CSMD1: variants seen among roughly 807,000 people sequenced by gnomAD.
The protein encoded by CSMD1 is CUB and Sushi multiple domains 1.
CSMD1 carries 213 observed loss-of-function variants against 417.5 expected under a neutral mutation model. The observed-to-expected ratio is 0.51, with a 90% CI of 0.46 to 0.57. The LOEUF (loss-of-function observed/expected upper bound fraction) is 0.57, where lower values mean the gene tolerates loss of function less well. CSMD1 is among the 20% of genes least tolerant of loss of function. The pLI is 0.00. For synonymous variants in CSMD1, 2,862 were observed against 1,736.8 expected, an observed-to-expected ratio of 1.65 and a Z score of -16.11; for missense variants, 6,923 against 4,529.7, an observed-to-expected ratio of 1.53 and a Z score of -15.17.
intron 1 of CSMD1, among the ~76,000 whole-genome samples, chr8:4,754,471 G>A (rs757458801): frequency 8.6e-5 from 13 of 151,734 alleles, no homozygotes; most frequent in Non-Finnish European, 1.5e-5. Flanking sequence ...TCTGTGTCAT[G>A]CATGCAATTT....
At chr8:3,807,973 A>G (rs1209482829) in intron 5 of CSMD1, among the ~76,000 whole-genome samples, 4 of 152,202 alleles carry the variant, frequency 2.6e-5, no homozygotes, top group Non-Finnish European at 5.9e-5. Context: ...CAAGACATGC[A>G]GCCCTATTCC....
chr8:4,759,041 G>C (rs1009167578), intron 1 of CSMD1, among the ~76,000 whole-genome samples: 1 of 152,212 alleles, frequency 6.6e-6, no homozygotes, highest in Non-Finnish European at 1.5e-5. Flanking sequence ...CGGAGATGGA[G>C]TTGATGTGCA....
In CSMD1 at chr8:3,091,615, T is replaced by G. The variant is rs1412135802; in HGVS notation, c.7186A>C (p.Thr2396Pro). The change falls in exon 48 of 70, where the codon ACT becomes CCT. Residue 2396 changes from threonine (T) to proline (P), a missense_variant. By Grantham distance (38) the Thr-to-Pro change is conservative (BLOSUM62 -1). Coordinates refer to ENST00000635120, the MANE Select transcript of CSMD1 (RefSeq NM_033225.6). ...CTGCTTGTAAAATTTGATTGTTCAG[T>G]ATGATTCCCACTTAAGACTACTAGC... The part of the protein sequence containing the change: ...PLLVVLSGNH[T>P]EQSNFTSRSN... 1 of 1,611,900 alleles carries G rather than the reference T, an allele frequency of 6.2e-7. No homozygotes were observed. The highest frequency in any genetic ancestry group is 8.5e-7 in the Non-Finnish European group (1 of 1,179,502).
chr8:4,702,059 G>C (rs535910025), intron 1 of CSMD1, among the ~76,000 whole-genome samples: 1 of 152,152 alleles, frequency 6.6e-6, no homozygotes, highest in Non-Finnish European at 1.5e-5. Context: ...GCTGAACAAT[G>C]AGAACACATG....
At chr8:2,947,136 A>G (rs1802297784) in intron 68 of CSMD1, among the ~76,000 whole-genome samples, 1 of 152,250 alleles carries the variant, frequency 6.6e-6, no homozygotes, top group African/African-American at 2.4e-5. Flanking sequence ...TATCAGGTAC[A>G]TAATTTTATG....
intron 3 of CSMD1, among the ~76,000 whole-genome samples, chr8:4,300,345 G>T (rs1389277775): frequency 1.3e-5 from 2 of 152,040 alleles, no homozygotes; most frequent in African/African-American, 4.8e-5. Flanking sequence ...AATATTAAAA[G>T]GTAAAAATAA....
chr8:3,113,408 G>GA (rs1292841001), intron 42 of CSMD1: 1 of 152,260 alleles, frequency 6.6e-6, no homozygotes, highest in South Asian at 2.1e-4. Context: ...GCAAGACAGT[G>GA]AAGGAGGGAA....
intron 2 of CSMD1, among the ~76,000 whole-genome samples, chr8:4,479,819 C>T (rs1295513727): frequency 1.3e-5 from 2 of 151,840 alleles, no homozygotes; most frequent in East Asian, 1.9e-4. Context: ...CAAAAATTAG[C>T]CAGGCGTGGT....
chr8:3,420,973 TTTATAGTTTTCCTC>T (rs1479726880), intron 12 of CSMD1, among the ~76,000 whole-genome samples: 1 of 152,148 alleles, frequency 6.6e-6, no homozygotes, highest in African/African-American at 2.4e-5. Flanking sequence ...ATACTGCCTA[TTTATAGTTTTCCTC>T]TGTGCTGTAG....
At chr8:3,066,427 T>C (rs937814871) in intron 49 of CSMD1, among the ~76,000 whole-genome samples, 1 of 152,222 alleles carries the variant, frequency 6.6e-6, no homozygotes, top group East Asian at 1.9e-4. Flanking sequence ...TGCTGACTTT[T>C]CCATTACGCA....
chr8:4,364,120 T>C (rs1270172703), intron 3 of CSMD1, among the ~76,000 whole-genome samples: 2 of 152,226 alleles, frequency 1.3e-5, no homozygotes, highest in East Asian at 3.8e-4. Context: ...GTCTTTATTA[T>C]GCATTGCATG....
chr8:2,947,099 C>G (rs779006017), intron 68 of CSMD1, among the ~76,000 whole-genome samples: 1 of 152,104 alleles, frequency 6.6e-6, no homozygotes, highest in South Asian at 2.1e-4. Context: ...CATAAGAGTT[C>G]TTCGTACATT....
intron 7 of CSMD1, among the ~76,000 whole-genome samples, chr8:3,704,064 C>A (rs1273233493): frequency 1.3e-5 from 2 of 152,070 alleles, no homozygotes; most frequent in South Asian, 2.1e-4. Flanking sequence ...GAGTGAAACT[C>A]CATCTCAAAA....
chr8:3,800,638 T>A (rs1375525140), intron 5 of CSMD1, among the ~76,000 whole-genome samples: 3 of 152,210 alleles, frequency 2.0e-5, no homozygotes, highest in Non-Finnish European at 4.4e-5. Flanking sequence ...GTATTTGGGT[T>A]ATGCAGACAG....
rs143054683 is a variant in CSMD1 at position 3,697,913 on chromosome 8, G to A, written c.1009+10501C>T. Reference sequence around the variant, plus strand: ...TACGCAAAGTGAGTTTTTCCCTTTAGTGAATCAATTATATTCTTTAATTGT... The same window carrying A: ...TACGCAAAGTGAGTTTTTCCCTTTAATGAATCAATTATATTCTTTAATTGT... On this transcript the variant is annotated intron_variant, in intron 7 of 69. Coordinates refer to ENST00000635120, the MANE Select transcript of CSMD1 (RefSeq NM_033225.6). Among the ~76,000 whole-genome samples, 731 of 152,182 alleles carry A rather than the reference G, an allele frequency of 4.8e-3. 10 individuals are homozygous for A. The highest frequency in any genetic ancestry group is 0.017 in the African/African-American group (695 of 41,520).
chr8:4,119,232 A>C (rs999800200), intron 3 of CSMD1, among the ~76,000 whole-genome samples: 2 of 152,132 alleles, frequency 1.3e-5, no homozygotes, highest in African/African-American at 2.4e-5. Flanking sequence ...CATTCTGCAC[A>C]TGTGTCCTAG....
intron 3 of CSMD1, among the ~76,000 whole-genome samples, chr8:4,201,656 G>A (rs139793801): frequency 1.3e-5 from 2 of 150,058 alleles, no homozygotes; most frequent in African/African-American, 2.5e-5. Context: ...CTTGACCAAA[G>A]TTTTCATTTC....
chr8:4,958,588 G>T (rs1809272778), intron 1 of CSMD1, among the ~76,000 whole-genome samples: 1 of 152,132 alleles, frequency 6.6e-6, no homozygotes. Context: ...CTTAAGCAAG[G>T]CAGTGTTCTG....
chr8:4,373,544 T>C (rs1310129436), intron 3 of CSMD1, among the ~76,000 whole-genome samples: 2 of 152,246 alleles, frequency 1.3e-5, no homozygotes, highest in Non-Finnish European at 1.5e-5. Flanking sequence ...CTCTCACTTC[T>C]ATTACGTACT....
Sources: allele counts gnomAD v4.1 joint callset (sites outside exome capture counted in the v4.1 genomes callset), GRCh38; gene constraint gnomAD v4.1.1; transcripts MANE v1.5; gene names NCBI Gene and HGNC (gene_info 2026-07-23, HGNC 2026-07-21).